Variants in PDSS2 observed in about 807,000 individuals in gnomAD.
The protein encoded by PDSS2 is all trans-polyprenyl-diphosphate synthase PDSS2.
A neutral mutation model predicts 44.5 loss-of-function variants in PDSS2; 31 were observed. That is an observed-to-expected ratio of 0.70 (90% confidence interval 0.52 to 0.94). The LOEUF (loss-of-function observed/expected upper bound fraction) is 0.94. Among genes scored for constraint, PDSS2 ranks in the 40% least tolerant of loss-of-function variants. PDSS2 has a pLI of 0.00. For synonymous variants in PDSS2, 157 were observed against 180.3 expected, an observed-to-expected ratio of 0.87 and a Z score of 1.03; for missense variants, 452 against 482.2, an observed-to-expected ratio of 0.94 and a Z score of 0.59.
intron 5 of PDSS2, among the ~76,000 whole-genome samples, 173 bp from the exon 6 acceptor site, chr6:107,210,743 C>T (rs1361561948): frequency 6.6e-6 from 1 of 152,090 alleles, no homozygotes; most frequent in Non-Finnish European, 1.5e-5. Context: ...GTGGCTTACG[C>T]CTGTAATCTC....
chr6:107,229,577 A>C (rs1247527929), intron 4 of PDSS2, among the ~76,000 whole-genome samples: 1 of 152,038 alleles, frequency 6.6e-6, no homozygotes, highest in Non-Finnish European at 1.5e-5. Flanking sequence ...ACTCAAACTC[A>C]CTGATTCCCT....
chr6:107,446,534 G>C (rs1446777177), intron 1 of PDSS2, among the ~76,000 whole-genome samples: 1 of 152,016 alleles, frequency 6.6e-6, no homozygotes, highest in Non-Finnish European at 1.5e-5. Flanking sequence ...AGAGTTCTTT[G>C]CAACTGTATT....
intron 7 of PDSS2, among the ~76,000 whole-genome samples, chr6:107,185,552 T>A (rs1772137494): frequency 6.6e-6 from 1 of 152,254 alleles, no homozygotes; most frequent in Non-Finnish European, 1.5e-5. Flanking sequence ...TTTAGCAGCA[T>A]GCTTATTTCA....
intron 2 of PDSS2, among the ~76,000 whole-genome samples, chr6:107,279,047 C>T (rs1029777037): frequency 3.9e-5 from 6 of 152,084 alleles, no homozygotes; most frequent in Admixed American, 2.0e-4. Flanking sequence ...TGGTGAAACC[C>T]CATCTCTACT....
chr6:107,214,522 T>G (rs907295493), intron 4 of PDSS2, among the ~76,000 whole-genome samples: 1 of 152,162 alleles, frequency 6.6e-6, no homozygotes, highest in Non-Finnish European at 1.5e-5. Flanking sequence ...AGCAAACATA[T>G]AAAACCATGT....
At chr6:107,311,906 G>A (rs1777057749) in intron 2 of PDSS2, among the ~76,000 whole-genome samples, 1 of 152,214 alleles carries the variant, frequency 6.6e-6, no homozygotes, top group Admixed American at 6.5e-5. Context: ...TCAGTACACA[G>A]TAATTATTAC....
rs142483418 is a variant in PDSS2, at chr6:107,296,950, G to A, written c.432-22723C>T. Among the ~76,000 whole-genome samples, 408 of 152,300 alleles carry A rather than the reference G, an allele frequency of 2.7e-3. 4 individuals are homozygous for A. Among genetic ancestry groups the A allele is most frequent in the African/African-American group, 9.5e-3 (394 of 41,570 alleles). The stretch of plus-strand genomic sequence containing the variant: ...ATACGAAAATGAAACATTTAATGGT[G>A]TTGTAAGAGAAGTGGAAATCCCAAG... On this transcript the variant is annotated intron_variant, in intron 2 of 7. Transcript: ENST00000369037.
At chr6:107,308,879 C>A (rs940201526) in intron 2 of PDSS2, among the ~76,000 whole-genome samples, 2 of 152,210 alleles carry the variant, frequency 1.3e-5, no homozygotes, top group Non-Finnish European at 2.9e-5. Flanking sequence ...AAAATGGCTG[C>A]AGCCAGCTGA....
intron 4 of PDSS2, among the ~76,000 whole-genome samples, chr6:107,231,061 T>G (rs182612416): frequency 6.6e-6 from 1 of 151,214 alleles, no homozygotes; most frequent in Admixed American, 6.6e-5. Context: ...TTAAAAAAAA[T>G]TTTTTTAAAG....
intron 1 of PDSS2, among the ~76,000 whole-genome samples, chr6:107,373,180 C>T (rs558106215): frequency 6.6e-6 from 1 of 151,958 alleles, no homozygotes; most frequent in African/African-American, 2.4e-5. Flanking sequence ...GACGGGGTTT[C>T]CCCATGTTGG....
chr6:107,417,778 TACACACACACACACACAC>T (rs59602150), intron 1 of PDSS2, among the ~76,000 whole-genome samples: 9 of 146,948 alleles, frequency 6.1e-5, no homozygotes, highest in Non-Finnish European at 1.0e-4. Context: ...TTAATAATAA[TACACACACACACACACAC>T]ACACACACAC....
At chr6:107,392,246 T>A (rs985949348) in intron 1 of PDSS2, among the ~76,000 whole-genome samples, 1 of 152,156 alleles carries the variant, frequency 6.6e-6, no homozygotes, top group Non-Finnish European at 1.5e-5. Flanking sequence ...TAACTTTGCT[T>A]GTATGTAAAG....
intron 1 of PDSS2, among the ~76,000 whole-genome samples, chr6:107,443,686 T>C (rs1781578264): frequency 6.6e-6 from 1 of 152,172 alleles, no homozygotes; most frequent in African/African-American, 2.4e-5. Flanking sequence ...CACACTACAA[T>C]TTTTCCTAGA....
At chr6:107,436,448 C>T (rs1206964619) in intron 1 of PDSS2, among the ~76,000 whole-genome samples, 1 of 152,132 alleles carries the variant, frequency 6.6e-6, no homozygotes, top group Non-Finnish European at 1.5e-5. Context: ...AGTTAGAATT[C>T]TTCAGCCTTA....
chr6:107,297,206 C>T (rs1776536748), intron 2 of PDSS2, among the ~76,000 whole-genome samples: 1 of 152,072 alleles, frequency 6.6e-6, no homozygotes, highest in African/African-American at 2.4e-5. Flanking sequence ...AAAGGCTTCC[C>T]AAATCTCAGT....
At chr6:107,239,634 CTTT>C (rs1177940710) in intron 4 of PDSS2, among the ~76,000 whole-genome samples, 8 of 76,926 alleles carry the variant, frequency 1.0e-4, no homozygotes, top group African/African-American at 3.2e-4. Context: ...TGTACTCTAC[CTTT>C]TTTTTTTTTT....
chr6:107,162,494 CAAAA>C (rs374615595), intron 7 of PDSS2, among the ~76,000 whole-genome samples: 1,753 of 58,478 alleles, frequency 0.03, 28 homozygotes, highest in African/African-American at 0.11. Context: ...GAGACCATCT[CAAAA>C]AAAAAAAAAA....
chr6:107,395,215 T>G (rs1482761597), intron 1 of PDSS2, among the ~76,000 whole-genome samples: 1 of 152,106 alleles, frequency 6.6e-6, no homozygotes, highest in East Asian at 1.9e-4. Flanking sequence ...GAATTTAAGA[T>G]TTTTCTCTTT....
At position 107,266,699 on chromosome 6, in the gene PDSS2, T is replaced by C. The variant is rs115090153; in HGVS notation, c.630+7330A>G. Among the ~76,000 whole-genome samples, 311 of 152,332 alleles carry C rather than the reference T, an allele frequency of 2.0e-3. 3 individuals carry two copies. Among genetic ancestry groups the C allele is most frequent in the African/African-American group, 6.7e-3 (280 of 41,568 alleles). ...TTTCAAGAAGCTTCAGGCTGAATAG[T>C]TGCTTGGATATGCTAAGTTTTTCTT... On this transcript the variant is annotated intron_variant, in intron 3 of 7. Transcript: ENST00000369037.
Sources: allele counts gnomAD v4.1 joint callset (sites outside exome capture counted in the v4.1 genomes callset), GRCh38; gene constraint gnomAD v4.1.1; transcripts MANE v1.5; gene names NCBI Gene and HGNC (gene_info 2026-07-23, HGNC 2026-07-21).